The following JAK3 variants were observed in gnomAD, a reference collection of about 807,000 sequenced individuals.
JAK3 encodes the protein Janus kinase 3.
JAK3 carries 88 observed loss-of-function variants against 120.8 expected under a neutral mutation model. The observed-to-expected ratio is 0.73, with a 90% CI of 0.61 to 0.87. The LOEUF (loss-of-function observed/expected upper bound fraction) is 0.87. Ranked by LOEUF, JAK3 falls within the 40% of genes least tolerant of loss-of-function variation. The pLI is 0.00. For synonymous variants in JAK3, 592 were observed against 628.6 expected, an observed-to-expected ratio of 0.94 and a Z score of 0.87; for missense variants, 1,254 against 1,501.4, an observed-to-expected ratio of 0.84 and a Z score of 2.72.
At chr19:17,833,542 G>GAAAAAAAAAAAAAAAAAAAAAAAAAA (rs58330868) in intron 17 of JAK3, among the ~76,000 whole-genome samples, 2 of 74,634 alleles carry the variant, frequency 2.7e-5, no homozygotes, top group African/African-American at 4.7e-5. Flanking sequence ...CCCCATCACA[G>GAAAAAAAAAAAAAAAAAAAAAAAAAA]AAAAAAAAAA....
chr19:17,833,293 T>C (rs2094217770), intron 17 of JAK3, among the ~76,000 whole-genome samples: 1 of 152,112 alleles, frequency 6.6e-6, no homozygotes, highest in Admixed American at 6.6e-5. Context: ...GGAAACCTAA[T>C]ACGGGGCCCT....
At chr19:17,833,898 C>T (rs1440020289) in intron 17 of JAK3, among the ~76,000 whole-genome samples, 1 of 151,976 alleles carries the variant, frequency 6.6e-6, no homozygotes, top group Non-Finnish European at 1.5e-5. Context: ...AGGCATGCAT[C>T]ACCATGCCTG....
rs145260622 is a variant in JAK3 at position 17,830,532 on chromosome 19, A to G, written c.3067T>C (p.Tyr1023His). The G allele has an allele frequency of 1.7e-4, 281 of 1,613,518 alleles. No homozygotes were observed. The highest frequency in any genetic ancestry group is 2.3e-4 in the Non-Finnish European group (272 of 1,179,750). The change falls in exon 22 of 24, where the codon TAC becomes CAC. Residue 1023 changes from tyrosine to histidine, a missense_variant. By Grantham distance (83) the Tyr-to-His change is moderately conservative. This residue lies in a region of JAK3 where 630 missense variants were observed against 819.8 expected (regional missense o/e 0.77). Transcript: ENST00000458235. ...FGVVLYELFTYCDKSCSPSAE... is the reference protein window; with the variant it reads ...FGVVLYELFTHCDKSCSPSAE... ...GAGGGGCTGCAGCTTTTGTCGCAGTAGGTGAAGAGCTCGTACAGGACGACC... is the reference window on the plus strand; with the variant it reads ...GAGGGGCTGCAGCTTTTGTCGCAGTGGGTGAAGAGCTCGTACAGGACGACC...
At position 17,826,718 on chromosome 19, in the gene JAK3, T is replaced by C. The variant is rs2094204529; in HGVS notation, c.*25A>G. ...GTCACACAGCCAGTCAACAGAGACC[T>C]AATCCAGAGGTCTGCGGGCAGGAGC... On this transcript the variant is annotated 3_prime_UTR_variant, in exon 24 of 24. Coordinates refer to ENST00000458235, the MANE Select transcript of JAK3 (RefSeq NM_000215.4). 1 of 1,613,778 alleles carries C rather than the reference T, an allele frequency of 6.2e-7. No homozygotes were observed. The highest frequency in any genetic ancestry group is 8.5e-7 in the Non-Finnish European group (1 of 1,179,732).
chr19:17,839,169 G>C (rs969716847), intron 10 of JAK3: 10 of 508,638 alleles, frequency 2.0e-5, no homozygotes, highest in African/African-American at 7.7e-5. Context: ...GGGAGACTCA[G>C]AAGAACTCAC....
At position 17,836,610 on chromosome 19, in the gene JAK3, C is replaced by T. The variant is rs541219281; in HGVS notation, c.1786+519G>A. ...TCTAACCCTTTGCATATTCTGTGTC[C>T]TCTGCCTAGAACACCCCTCTTCCTT... On this transcript the variant is annotated intron_variant, in intron 13 of 23. Coordinates refer to ENST00000458235, the MANE Select transcript of JAK3 (RefSeq NM_000215.4). The T allele has an allele frequency of 8.9e-5, 33 of 371,066 alleles. No homozygotes were observed. In the East Asian group the frequency reaches 1.5e-3, roughly 17 times the overall value. The allele number at this position is 371,066 out of a possible 1,614,324, so 23.0% of individuals were successfully genotyped here.
intron 23 of JAK3, chr19:17,829,790 C>T (rs1451777426): frequency 1.3e-5 from 6 of 463,930 alleles, no homozygotes; most frequent in Non-Finnish European, 2.3e-5. Context: ...AAACCATGAA[C>T]GTCACCACCA....
In JAK3 at chr19:17,834,917, C is replaced by T. The variant is rs1178958564; in HGVS notation, c.2134G>A (p.Gly712Ser). Residue 712 changes from glycine to serine, a missense_variant, in exon 16 of 24, where the codon GGC becomes AGC. Gly to Ser is a moderately conservative substitution (Grantham distance 56). Transcript: ENST00000458235. ...LSLEADKWGFGATVWEVFSGV... is the reference protein window; with the variant it reads ...LSLEADKWGFSATVWEVFSGV... Reference sequence around the variant, plus strand: ...CTAAACACTTCCCAGACCGTGGCGCCGAAGCCCCACTTGTCAGCTTCCAAG... The same window carrying T: ...CTAAACACTTCCCAGACCGTGGCGCTGAAGCCCCACTTGTCAGCTTCCAAG... The T allele has an allele frequency of 6.8e-6, 11 of 1,614,036 alleles. No individual in the cohort carries two copies. The highest frequency in any genetic ancestry group is 2.2e-5 in the South Asian group (2 of 91,090).
Position 17,843,602 on chromosome 19 carries a change from T to C in JAK3, c.309-111A>G. On this transcript the variant is annotated intron_variant, in intron 3 of 23. Transcript: ENST00000458235. This position sits in a 1 kb window ranked among gnomAD's most constrained non-coding sequence, Gnocchi z 5.4. Reference sequence around the variant, plus strand: ...CTGCGGAGGCCTCACAGAGCCCAGCTTGTACCTTTAACTTGCTGTGTGACC... The same window carrying C: ...CTGCGGAGGCCTCACAGAGCCCAGCCTGTACCTTTAACTTGCTGTGTGACC... The C allele has an allele frequency of 8.6e-7, 1 of 1,169,098 alleles. No individual in the cohort carries two copies. The highest frequency in any genetic ancestry group is 1.2e-5 in the South Asian group (1 of 80,416). 72.4% of individuals were successfully genotyped at this position (1,169,098 alleles called of 1,614,324 possible). A position where few individuals can be genotyped will look rare whatever the true frequency, so the allele number is the denominator to read the frequency against.
rs1397759926 is a variant in JAK3, at chr19:17,842,298, G to C, written c.861+18C>G. The C allele has an allele frequency of 2.9e-6, 4 of 1,390,486 alleles. No individual in the cohort carries two copies. Among genetic ancestry groups the C allele is most frequent in the Non-Finnish European group, 3.8e-6 (4 of 1,053,706 alleles). 86.1% of individuals were successfully genotyped at this position (1,390,486 alleles called of 1,614,324 possible). ...CGCCCCCACGTTGGCCCCGCCCAGC[G>C]GGGGAGTCCGCCCTCACCTCCTGTT... On this transcript the variant is annotated intron_variant, in intron 6 of 23. Transcript: ENST00000458235. This position sits in a 1 kb window ranked among gnomAD's most constrained non-coding sequence, Gnocchi z 6.4.
At position 17,826,924 on chromosome 19, in the gene JAK3, G is replaced by T. The variant is rs202080914; in HGVS notation, c.3208-14C>A. The stretch of plus-strand genomic sequence containing the variant: ...GAGCTCGTGAACCTGAGGGGCGGGG[G>T]ACAGATAATGGGGTCGTGCCTGAGC... On this transcript the variant is annotated splice_polypyrimidine_tract_variant and intron_variant, in intron 23 of 23. Coordinates refer to ENST00000458235, the MANE Select transcript of JAK3 (RefSeq NM_000215.4). 3 of 1,605,074 alleles carry T rather than the reference G, an allele frequency of 1.9e-6. No homozygotes were observed. The highest frequency in any genetic ancestry group is 1.1e-5 in the South Asian group (1 of 91,050).
At chr19:17,844,713 C>G (rs553298243) in intron 1 of JAK3, among the ~76,000 whole-genome samples, 2 of 150,878 alleles carry the variant, frequency 1.3e-5, no homozygotes, top group South Asian at 4.2e-4. Flanking sequence ...AGGACAATCA[C>G]TTGAACCTGG....
Position 17,847,976 on chromosome 19 carries a change from G to A in JAK3, c.-44C>T, listed in dbSNP as rs1010782961. The A allele has an allele frequency of 1.1e-5, 11 of 1,039,960 alleles. No individual in the cohort carries two copies. Among genetic ancestry groups the A allele is most frequent in the African/African-American group, 6.7e-5 (4 of 59,480 alleles). The allele number at this position is 1,039,960 out of a possible 1,614,324, so 64.4% of individuals were successfully genotyped here. ...GGGCAGGGACCCTGGACTTTCGAAG[G>A]GCGGGCAGAGCCGGGAGGCAGCGAG... On this transcript the variant is annotated 5_prime_UTR_variant, in exon 1 of 24. Transcript: ENST00000458235.
At position 17,825,090 on chromosome 19, in the gene JAK3, G is replaced by A. The variant is rs1272946057; in HGVS notation, c.*1653C>T. 7 of 229,248 alleles carry A rather than the reference G, an allele frequency of 3.1e-5. No homozygotes were observed. The highest frequency in any genetic ancestry group is 4.4e-5 in the African/African-American group (2 of 45,104). The allele number at this position is 229,248 out of a possible 1,614,324, so 14.2% of individuals were successfully genotyped here. A position where few individuals can be genotyped will look rare whatever the true frequency, so the allele number is the denominator to read the frequency against. ...GGAGCAGCAGAAGCTTAACCTGCAT[G>A]AGAATCCCTCTCACCAGTCAGAAAG... is the stretch of plus-strand genomic sequence containing the variant. On this transcript the variant is annotated 3_prime_UTR_variant, in exon 24 of 24. Transcript: ENST00000458235.
At position 17,841,550 on chromosome 19, in the gene JAK3, C is replaced by A. The variant is rs201392387; in HGVS notation, c.985-4G>T. ...GCAGCCCTGGGAACTCGGCCTCCTG[C>A]GAGGGACAAGCGTCAGAGCCCAGTG... On this transcript the variant is annotated splice_region_variant and splice_polypyrimidine_tract_variant and intron_variant, in intron 7 of 23. Transcript: ENST00000458235. This position sits in a 1 kb window ranked among gnomAD's most constrained non-coding sequence, Gnocchi z 4.1. 3.1e-6 allele frequency: 5 copies of A among 1,595,834 alleles called. No individual in the cohort carries two copies. Among genetic ancestry groups the A allele is most frequent in the African/African-American group, 1.3e-5 (1 of 74,472 alleles).
At chr19:17,829,705 AGCTATAATTGCACCCCAGCCTGG>A (rs1599865420) in intron 23 of JAK3, 2 of 329,682 alleles carry the variant, frequency 6.1e-6, no homozygotes, top group Non-Finnish European at 1.1e-5. Context: ...GGCTGCAGTG[AGCTATAATTGCACCCCAGCCTGG>A]GCAACAGAGT....
Position 17,842,439 on chromosome 19 carries a change from A to T in JAK3, c.738T>A (p.Asp246Glu), listed in dbSNP as rs2094242123. The T allele has an allele frequency of 6.3e-7, 1 of 1,581,070 alleles. No homozygotes were observed. The highest frequency in any genetic ancestry group is 8.6e-7 in the Non-Finnish European group (1 of 1,165,508). The change falls in exon 6 of 24, where the codon GAT becomes GAA. Residue 246 changes from aspartate (D) to glutamate (E), a missense_variant. Transcript: ENST00000458235. This position sits in a 1 kb window ranked among gnomAD's most constrained non-coding sequence, Gnocchi z 6.4. The stretch of plus-strand genomic sequence containing the variant: ...GGAAGGTCTCGGCGGCCCCGGCTGG[A>T]TCCAGCCGCTCCAGGTCCATGATGT... ...AKYIMDLERL[D>E]PAGAAETFHV...
At chr19:17,829,696 G>A (rs2094210133) in intron 23 of JAK3, 4 of 306,996 alleles carry the variant, frequency 1.3e-5, no homozygotes, top group Non-Finnish European at 1.8e-5. Context: ...GGAGTTGGAG[G>A]CTGCAGTGAG....
At chr19:17,828,983 C>T (rs2094208934) in intron 23 of JAK3, among the ~76,000 whole-genome samples, 1 of 151,212 alleles carries the variant, frequency 6.6e-6, no homozygotes, top group African/African-American at 2.4e-5. Flanking sequence ...AGAGAGACCC[C>T]ATCTCTTTAA....
Sources: gnomAD v4.1 joint callset for allele counts (sites outside exome capture counted in the v4.1 genomes callset) on GRCh38, gnomAD v4.1.1 for gene constraint, gnomAD v4.1.1 regional missense constraint, Gnocchi (gnomAD v3.1) non-coding constraint, MANE v1.5 for transcripts, NCBI Gene and HGNC (gene_info 2026-07-23, HGNC 2026-07-21) for gene names.